TM9SF2: variants seen among roughly 807,000 people sequenced by gnomAD.
The protein encoded by TM9SF2 is transmembrane 9 superfamily member 2.
TM9SF2 carries 13 observed loss-of-function variants against 84.9 expected under a neutral mutation model. The ratio of observed to expected loss-of-function variants is 0.15; its 90% CI spans 0.10 to 0.24. The LOEUF is 0.24. Among genes scored for constraint, TM9SF2 ranks in the 10% least tolerant of loss-of-function variants. The pLI is 1.00. For missense variants in TM9SF2, 562 were observed against 818.5 expected (o/e 0.69, Z 3.82); for synonymous variants, 273 against 285.8 (o/e 0.96, Z 0.45).
intron 2 of TM9SF2, among the ~76,000 whole-genome samples, chr13:99,519,381 T>C (rs577239957): frequency 6.6e-6 from 1 of 152,282 alleles, no homozygotes; most frequent in African/African-American, 2.4e-5. Flanking sequence ...ATCTCAGATA[T>C]TCCCCATATC....
chr13:99,561,054 T>G (rs1327561918), intron 16 of TM9SF2, among the ~76,000 whole-genome samples: 1 of 152,236 alleles, frequency 6.6e-6, no homozygotes, highest in Admixed American at 6.5e-5. Flanking sequence ...TGGAGTCATA[T>G]CAAATGGAAC....
chr13:99,561,786 A>T (rs1296989873), intron 16 of TM9SF2, among the ~76,000 whole-genome samples: 1 of 152,236 alleles, frequency 6.6e-6, no homozygotes, highest in Non-Finnish European at 1.5e-5. Flanking sequence ...ATAGTCCCTT[A>T]TGTGTGCATG....
At chr13:99,548,059 C>T (rs959237882) in intron 11 of TM9SF2, among the ~76,000 whole-genome samples, 1 of 152,114 alleles carries the variant, frequency 6.6e-6, no homozygotes, top group South Asian at 2.1e-4. Context: ...GGCCATCATA[C>T]GGATTTTAAT....
At chr13:99,502,611 G>A (rs1215881558) in intron 1 of TM9SF2, among the ~76,000 whole-genome samples, 2 of 152,188 alleles carry the variant, frequency 1.3e-5, no homozygotes, top group Admixed American at 1.3e-4. Context: ...TTAATTGCTA[G>A]TAAAAGAGGC....
At position 99,537,840 on chromosome 13, in the gene TM9SF2, G is replaced by A. The variant is rs374571827; in HGVS notation, c.693G>A (p.Val231=). The A allele has an allele frequency of 7.5e-6, 12 of 1,607,244 alleles. No homozygotes were observed. The African/African-American group carries it at 1.5e-4, about 20-fold the overall frequency. ...VETGSMGARL[V]AAKLEPKSFK... ...CTGGGTCCATGGGAGCAAGATTAGTGGCTGCTAAACTTGAACCGAAAAGGT... is the reference window on the plus strand; with the variant it reads ...CTGGGTCCATGGGAGCAAGATTAGTAGCTGCTAAACTTGAACCGAAAAGGT... The change falls in exon 6 of 17, where the codon GTG becomes GTA. Residue 231 remains valine (V), a synonymous_variant. Transcript: ENST00000376387.
chr13:99,553,893 C>T (rs530098938), intron 13 of TM9SF2, among the ~76,000 whole-genome samples: 4 of 152,328 alleles, frequency 2.6e-5, no homozygotes, highest in African/African-American at 9.6e-5. Flanking sequence ...GTAAAGATGA[C>T]ATTGCGCACC....
chr13:99,540,842 T>G, intron 8 of TM9SF2, 49 bp downstream of exon 8: 1 of 1,494,438 alleles, frequency 6.7e-7, no homozygotes, highest in South Asian at 1.1e-5. Flanking sequence ...TTCTACCCTC[T>G]GTCCCTTTGA....
At chr13:99,530,329 C>T (rs1361236006) in intron 4 of TM9SF2, among the ~76,000 whole-genome samples, 1 of 152,190 alleles carries the variant, frequency 6.6e-6, no homozygotes, top group African/African-American at 2.4e-5. Context: ...GAGGCTGAGG[C>T]AGGAGAATGG....
intron 4 of TM9SF2, among the ~76,000 whole-genome samples, chr13:99,530,496 C>T (rs1020307539): frequency 1.3e-5 from 2 of 152,134 alleles, no homozygotes; most frequent in African/African-American, 4.8e-5. Context: ...CCTTCAATTT[C>T]TAAAAAACAC....
chr13:99,517,345 C>G lies in TM9SF2; in HGVS notation c.172-269C>G, dbSNP rs868633352. 5.0e-4 allele frequency among the ~76,000 whole-genome samples: 76 copies of G among 152,134 alleles called. 1 individual carries two copies. The highest frequency in any genetic ancestry group is 1.8e-3 in the African/African-American group (74 of 41,426). ...CTCGCTGTATTGCCCGGGCTAGTCA[C>G]AAACTCCTGGCCTCAAGTGATCTCC... On this transcript the variant is annotated intron_variant, in intron 1 of 16. Coordinates refer to ENST00000376387, the MANE Select transcript of TM9SF2 (RefSeq NM_004800.3).
intron 1 of TM9SF2, among the ~76,000 whole-genome samples, chr13:99,502,449 T>C (rs958780856): frequency 1.3e-5 from 2 of 152,172 alleles, no homozygotes; most frequent in African/African-American, 4.8e-5. Flanking sequence ...TAAAAGATTT[T>C]AATACACAAA....
chr13:99,541,161 G>A (rs562229940), intron 8 of TM9SF2, among the ~76,000 whole-genome samples: 1 of 152,216 alleles, frequency 6.6e-6, no homozygotes, highest in Non-Finnish European at 1.5e-5. Flanking sequence ...TGTTCATGTT[G>A]CCATAACTCT....
chr13:99,501,560 C>G lies in TM9SF2; in HGVS notation c.-47C>G. On this transcript the variant is annotated 5_prime_UTR_variant, in exon 1 of 17. Coordinates refer to ENST00000376387, the MANE Select transcript of TM9SF2 (RefSeq NM_004800.3). ...CTCCGAGACTCCCCACCCCTCCTTC[C>G]CTCTTGACCCCCTAGGTTTGATTGC... is the stretch of plus-strand genomic sequence containing the variant. 6.3e-7 allele frequency: 1 copy of G among 1,587,528 alleles called. No homozygotes were observed. The highest frequency in any genetic ancestry group is 1.4e-5 in the African/African-American group (1 of 73,330).
chr13:99,504,495 A>G (rs1229415584), intron 1 of TM9SF2, among the ~76,000 whole-genome samples: 1 of 152,268 alleles, frequency 6.6e-6, no homozygotes, highest in Non-Finnish European at 1.5e-5. Flanking sequence ...TGAAACAAAT[A>G]TATCTTCAAC....
chr13:99,545,513 G>A (rs1250444128), intron 10 of TM9SF2, among the ~76,000 whole-genome samples: 1 of 152,058 alleles, frequency 6.6e-6, no homozygotes, highest in Admixed American at 6.6e-5. Context: ...GGGTGACAGA[G>A]AGCCAAACTA....
intron 16 of TM9SF2, 149 bp from the exon 17 acceptor site, chr13:99,562,542 G>A (rs574795356): frequency 3.2e-5 from 19 of 601,234 alleles, no homozygotes; most frequent in South Asian, 2.0e-4. Context: ...TTTTTCAGAC[G>A]TGCTCATAGA....
At chr13:99,523,240 C>T (rs9585112) in intron 3 of TM9SF2, among the ~76,000 whole-genome samples, 3,771 of 152,286 alleles carry the variant, frequency 0.025, 161 homozygotes, top group African/African-American at 0.086. Context: ...CAGCCTTGAA[C>T]TCCCAGGCTC....
rs1224092110 is a variant in TM9SF2, at chr13:99,540,701, T to A, written c.829-13T>A. The A allele has an allele frequency of 4.4e-6, 7 of 1,606,316 alleles. No homozygotes were observed. Among genetic ancestry groups the A allele is most frequent in the Non-Finnish European group, 3.4e-6 (4 of 1,176,166 alleles). On this transcript the variant is annotated splice_polypyrimidine_tract_variant and intron_variant, in intron 7 of 16. Transcript: ENST00000376387. Reference sequence around the variant, plus strand: ...CAGATGTTTACTTAAAGAGATTTTTTAATCTCCTCTAGGAAGATGATAAGA... The same window carrying A: ...CAGATGTTTACTTAAAGAGATTTTTAAATCTCCTCTAGGAAGATGATAAGA...
chr13:99,540,676 C>G (rs2062894028), intron 7 of TM9SF2, 38 bp from the exon 8 acceptor site: 1 of 1,546,658 alleles, frequency 6.5e-7, no homozygotes, highest in Non-Finnish European at 8.9e-7. Flanking sequence ...GTGCTGTCAG[C>G]AGATGTTTAC....
Sources: allele counts gnomAD v4.1 joint callset (sites outside exome capture counted in the v4.1 genomes callset), GRCh38; gene constraint gnomAD v4.1.1; transcripts MANE v1.5; gene names NCBI Gene and HGNC (gene_info 2026-07-23, HGNC 2026-07-21).